The following LRMDA variants were observed in gnomAD, a reference collection of about 807,000 sequenced individuals.
The protein encoded by LRMDA is leucine-rich melanocyte differentiation-associated protein.
LRMDA carries 18 observed loss-of-function variants against 29.8 expected under a neutral mutation model. That is an observed-to-expected ratio of 0.60 (90% confidence interval 0.42 to 0.90). The LOEUF (loss-of-function observed/expected upper bound fraction) is 0.90, where lower values mean the gene tolerates loss of function less well. Ranked by LOEUF, LRMDA falls within the 40% of genes least tolerant of loss-of-function variation. LRMDA has a pLI of 0.00. For synonymous variants in LRMDA, 125 were observed against 109.4 expected (o/e 1.14, Z -0.89); for missense variants, 273 against 273.9 (o/e 1.00, Z 0.02).
At chr10:75,639,066 G>A (rs910926649) in intron 2 of LRMDA, among the ~76,000 whole-genome samples, 4 of 152,034 alleles carry the variant, frequency 2.6e-5, no homozygotes, top group Non-Finnish European at 5.9e-5. Context: ...TGACTTTTTT[G>A]TTCCCTTTCT....
At chr10:76,049,224 G>A (rs541583221) in intron 4 of LRMDA, among the ~76,000 whole-genome samples, 45 of 152,318 alleles carry the variant, frequency 3.0e-4, no homozygotes, top group African/African-American at 1.1e-3. Context: ...TCCCTTGGAA[G>A]GAGTTGAGGG....
intron 6 of LRMDA, among the ~76,000 whole-genome samples, chr10:76,534,792 AAT>A (rs1402911729): frequency 6.6e-6 from 1 of 152,180 alleles, no homozygotes; most frequent in Non-Finnish European, 1.5e-5. Flanking sequence ...TGCCATTCAA[AAT>A]ATGAACACTG....
chr10:75,470,163 T>G (rs540241461), intron 2 of LRMDA, among the ~76,000 whole-genome samples: 1 of 152,362 alleles, frequency 6.6e-6, no homozygotes, highest in African/African-American at 2.4e-5. Flanking sequence ...GAATAAGTTC[T>G]GCCTACGTTG....
intron 2 of LRMDA, among the ~76,000 whole-genome samples, chr10:76,035,396 C>T (rs1378295281): frequency 6.6e-6 from 1 of 151,188 alleles, no homozygotes; most frequent in Non-Finnish European, 1.5e-5. Flanking sequence ...GCCACTGGGA[C>T]GCTGGGCAGA....
intron 5 of LRMDA, among the ~76,000 whole-genome samples, chr10:76,249,430 C>T (rs75683257): frequency 0.021 from 3,270 of 152,224 alleles, 114 homozygotes; most frequent in African/African-American, 0.075. Context: ...TCCCTGTTGT[C>T]GTCAGCTCTC....
intron 6 of LRMDA, among the ~76,000 whole-genome samples, chr10:76,461,243 G>A (rs1042409862): frequency 2.0e-5 from 3 of 152,158 alleles, no homozygotes; most frequent in Non-Finnish European, 4.4e-5. Context: ...CATGCATGGT[G>A]TGAAATGTCT....
intron 2 of LRMDA, among the ~76,000 whole-genome samples, chr10:75,765,641 T>TTC (rs765624133): frequency 1.3e-5 from 2 of 152,126 alleles, no homozygotes; most frequent in Non-Finnish European, 2.9e-5. Context: ...GCATGATTGA[T>TTC]TCTGCACAGT....
intron 5 of LRMDA, among the ~76,000 whole-genome samples, chr10:76,080,009 T>C (rs181291165): frequency 2.6e-5 from 4 of 152,296 alleles, no homozygotes; most frequent in Admixed American, 2.6e-4. Flanking sequence ...TGTTCTGCAG[T>C]GTATTTTTTC....
intron 2 of LRMDA, among the ~76,000 whole-genome samples, chr10:75,521,051 T>C (rs1845350370): frequency 6.6e-6 from 1 of 152,198 alleles, no homozygotes. Flanking sequence ...ACAGCAAATA[T>C]TGCTGCCTGA....
chr10:75,599,098 TA>T (rs977908361), intron 2 of LRMDA, among the ~76,000 whole-genome samples: 4 of 151,626 alleles, frequency 2.6e-5, no homozygotes, highest in Non-Finnish European at 5.9e-5. Context: ...CACCAAGAGG[TA>T]AAAAAATTAA....
intron 2 of LRMDA, among the ~76,000 whole-genome samples, chr10:75,977,974 C>T (rs1847103337): frequency 6.6e-6 from 1 of 152,208 alleles, no homozygotes; most frequent in Non-Finnish European, 1.5e-5. Context: ...AAATGGAATA[C>T]TGCATATAAA....
At chr10:75,446,028 C>T (rs945701876) in intron 2 of LRMDA, among the ~76,000 whole-genome samples, 1 of 152,226 alleles carries the variant, frequency 6.6e-6, no homozygotes, top group Admixed American at 6.5e-5. Flanking sequence ...AAACAGTGGC[C>T]TTGCCCTTTC....
chr10:76,486,338 A>C, intron 6 of LRMDA, among the ~76,000 whole-genome samples: 1 of 151,894 alleles, frequency 6.6e-6, no homozygotes, highest in East Asian at 1.9e-4. Context: ...TGCATTAGTC[A>C]AGGCTTCATC....
chr10:76,462,681 C>T (rs1842525506), intron 6 of LRMDA, among the ~76,000 whole-genome samples: 1 of 152,106 alleles, frequency 6.6e-6, no homozygotes. Context: ...GAGCCGTTTC[C>T]AGCAGTACAT....
chr10:76,149,180 C>T (rs752797949), intron 5 of LRMDA, among the ~76,000 whole-genome samples: 4 of 152,202 alleles, frequency 2.6e-5, no homozygotes, highest in Non-Finnish European at 4.4e-5. Context: ...AATTCTGTAT[C>T]TCCTTTGCAC....
intron 2 of LRMDA, among the ~76,000 whole-genome samples, chr10:75,627,361 AC>A (rs1310781923): frequency 1.3e-5 from 2 of 152,186 alleles, no homozygotes; most frequent in African/African-American, 4.8e-5. Context: ...CTCCCCTATA[AC>A]AGTTTTCCTG....
intron 5 of LRMDA, among the ~76,000 whole-genome samples, chr10:76,068,008 G>A (rs746341755): frequency 1.3e-5 from 2 of 152,208 alleles, no homozygotes; most frequent in Non-Finnish European, 2.9e-5. Context: ...GGCAGGCAGA[G>A]GCCAACCACA....
At chr10:76,417,404 G>A (rs147187930) in intron 6 of LRMDA, among the ~76,000 whole-genome samples, 12 of 151,466 alleles carry the variant, frequency 7.9e-5, no homozygotes, top group Admixed American at 3.3e-4. Flanking sequence ...GAACTATGAC[G>A]TATCTATACA....
chr10:76,397,327 G>A (rs1197360564), intron 6 of LRMDA, among the ~76,000 whole-genome samples: 1 of 152,144 alleles, frequency 6.6e-6, no homozygotes, highest in Non-Finnish European at 1.5e-5. Flanking sequence ...CATGCCTGTG[G>A]TAGGCTGACT....
Sources: allele counts gnomAD v4.1 joint callset (sites outside exome capture counted in the v4.1 genomes callset), GRCh38; gene constraint gnomAD v4.1.1; transcripts MANE v1.5; gene names NCBI Gene and HGNC (gene_info 2026-07-23, HGNC 2026-07-21).